CEP83: variants seen among roughly 807,000 people sequenced by gnomAD.
CEP83 encodes centrosomal protein 83.
In CEP83, 70 loss-of-function variants were observed where a neutral mutation model predicts 101.9. That is an observed-to-expected ratio of 0.69 (90% CI 0.57 to 0.84). The LOEUF (loss-of-function observed/expected upper bound fraction) is 0.84, where lower values mean the gene tolerates loss of function less well. Ranked by LOEUF, CEP83 falls within the 40% of genes least tolerant of loss-of-function variation. The probability of loss-of-function intolerance (pLI) is 0.00; values close to 1 mark genes in which losing one functional copy is unlikely to be tolerated. For synonymous variants in CEP83, 264 were observed against 267.9 expected (o/e 0.99, Z 0.14); for missense variants, 715 against 787.2 (o/e 0.91, Z 1.10).
At chr12:94,316,983 T>C (rs1046619413) in intron 14 of CEP83, among the ~76,000 whole-genome samples, 4 of 152,140 alleles carry the variant, frequency 2.6e-5, no homozygotes, top group African/African-American at 9.7e-5. Flanking sequence ...TTCTAGCTCT[T>C]TGAGGAATTA....
At chr12:94,276,566 T>C in the CEP83 span, among the ~76,000 whole-genome samples, 2 of 152,226 alleles carry the variant, frequency 1.3e-5, no homozygotes, top group Non-Finnish European at 2.9e-5. Flanking sequence ...CTGGCTTCAA[T>C]TCCTGGTTCT....
the CEP83 span, chr12:94,282,342 A>T: frequency 6.2e-7 from 1 of 1,614,136 alleles, no homozygotes; most frequent in East Asian, 2.2e-5. Context: ...GGACATCGAC[A>T]GTTCCTCCGT....
intron 11 of CEP83, among the ~76,000 whole-genome samples, chr12:94,358,834 C>G (rs1485880134): frequency 1.3e-5 from 2 of 152,222 alleles, no homozygotes; most frequent in Admixed American, 6.5e-5. Context: ...AGCAACCCCC[C>G]AAAGTCTGGC....
chr12:94,278,134 G>A, the CEP83 span: 51,189 of 400,030 alleles, frequency 0.13, 3,491 homozygotes, highest in Admixed American at 0.21. Context: ...TAGACTCTCC[G>A]CTCCTTAAAA....
At chr12:94,313,096 A>C in intron 14 of CEP83, 79 bp from the exon 15 acceptor site, 1 of 625,626 alleles carries the variant, frequency 1.6e-6, no homozygotes, top group Non-Finnish European at 2.7e-6. Flanking sequence ...TATTTTACTC[A>C]CCAAAAACTG....
intron 7 of CEP83, among the ~76,000 whole-genome samples, chr12:94,377,101 T>C (rs1244502397): frequency 2.6e-5 from 4 of 152,152 alleles, no homozygotes; most frequent in Non-Finnish European, 5.9e-5. Flanking sequence ...TTTTATAACA[T>C]CTCATTTCGT....
At chr12:94,424,135 T>C in intron 2 of CEP83, 1 of 1,603,480 alleles carries the variant, frequency 6.2e-7, no homozygotes, top group Non-Finnish European at 8.5e-7. Flanking sequence ...ATGGGGAGAG[T>C]GCAGACCGAG....
rs968322874 is a variant in CEP83, at chr12:94,424,744, C to T, written c.-102+10531G>A. The T allele has an allele frequency of 1.4e-5, 22 of 1,611,856 alleles. No homozygotes were observed. The Admixed American group carries it at 1.7e-4, about 12-fold the overall frequency. ...AAACAATCTTGCCATATGGCTGACA[C>T]AGCTTGACAAGATCTTGGTCAGTAG... On this transcript the variant is annotated intron_variant, in intron 2 of 16. Transcript: ENST00000397809.
intron 2 of CEP83, among the ~76,000 whole-genome samples, chr12:94,431,422 C>T (rs1336392505): frequency 6.6e-6 from 1 of 151,900 alleles, no homozygotes; most frequent in African/African-American, 2.4e-5. Context: ...GCACAGAAAA[C>T]AAGAACAAAA....
At chr12:94,382,181 ATG>A (rs1383826771) in intron 6 of CEP83, among the ~76,000 whole-genome samples, 1 of 151,932 alleles carries the variant, frequency 6.6e-6, no homozygotes, top group Non-Finnish European at 1.5e-5. Flanking sequence ...TTCCCTTCTA[ATG>A]TCTGCAAGGT....
the CEP83 span, among the ~76,000 whole-genome samples, chr12:94,271,228 A>G: frequency 2.0e-5 from 3 of 152,228 alleles, no homozygotes; most frequent in East Asian, 5.8e-4. Context: ...TAAAGTTGCC[A>G]GTTTGTAATA....
chr12:94,352,419 CAA>C (rs770031305), intron 11 of CEP83, among the ~76,000 whole-genome samples: 23 of 75,832 alleles, frequency 3.0e-4, no homozygotes, highest in East Asian at 3.8e-4. Context: ...GACTTTGTCT[CAA>C]AAAAAAAAAA....
intron 11 of CEP83, among the ~76,000 whole-genome samples, chr12:94,362,928 G>A (rs1245026734): frequency 1.3e-5 from 2 of 152,156 alleles, no homozygotes; most frequent in African/African-American, 4.8e-5. Flanking sequence ...AAATAAGTCA[G>A]GCACACAAAG....
chr12:94,284,309 CTGT>C, the CEP83 span, among the ~76,000 whole-genome samples: 1 of 152,062 alleles, frequency 6.6e-6, no homozygotes, highest in South Asian at 2.1e-4. Context: ...TGGGAAAGGG[CTGT>C]TGTTGTCTTT....
intron 11 of CEP83, among the ~76,000 whole-genome samples, chr12:94,342,891 C>A (rs1479012504): frequency 6.6e-6 from 1 of 151,956 alleles, no homozygotes; most frequent in African/African-American, 2.4e-5. Context: ...CCATGAAACT[C>A]ACCTTTATGA....
At chr12:94,289,524 G>A in the CEP83 span, among the ~76,000 whole-genome samples, 4 of 152,158 alleles carry the variant, frequency 2.6e-5, no homozygotes, top group Non-Finnish European at 5.9e-5. Context: ...CATCCCTAAA[G>A]TAGGGGCCCA....
the CEP83 span, among the ~76,000 whole-genome samples, chr12:94,290,526 C>T: frequency 6.6e-6 from 1 of 152,372 alleles, no homozygotes; most frequent in East Asian, 1.9e-4. Context: ...GCCCCCACCC[C>T]ACCACCAAGA....
intron 6 of CEP83, among the ~76,000 whole-genome samples, chr12:94,385,057 G>T (rs955794485): frequency 4.6e-5 from 7 of 152,150 alleles, no homozygotes; most frequent in Admixed American, 4.6e-4. Context: ...TATGGTAGGG[G>T]ATGGGTGGTG....
chr12:94,437,602 A>T (rs983481150), intron 1 of CEP83, among the ~76,000 whole-genome samples: 1 of 152,242 alleles, frequency 6.6e-6, no homozygotes, highest in African/African-American at 2.4e-5. Flanking sequence ...ACAAAAAATT[A>T]TCAGCCAATA....
Sources: gnomAD v4.1 joint callset for allele counts (sites outside exome capture counted in the v4.1 genomes callset) on GRCh38, gnomAD v4.1.1 for gene constraint, MANE v1.5 for transcripts, NCBI Gene and HGNC (gene_info 2026-07-23, HGNC 2026-07-21) for gene names.